Variants in PLXDC2 observed in about 807,000 individuals in gnomAD.
PLXDC2 encodes plexin domain-containing protein 2.
A neutral mutation model predicts 68.9 loss-of-function variants in PLXDC2; 40 were observed. The ratio of observed to expected loss-of-function variants is 0.58; its 90% CI spans 0.45 to 0.76. The LOEUF (loss-of-function observed/expected upper bound fraction) is 0.76. Among genes scored for constraint, PLXDC2 ranks in the 30% least tolerant of loss-of-function variants. PLXDC2 has a pLI of 0.00. For synonymous variants in PLXDC2, 243 were observed against 234.2 expected (o/e 1.04, Z -0.34); for missense variants, 644 against 661.9 (o/e 0.97, Z 0.30).
At chr10:20,057,769 C>T (rs989843788) in intron 3 of PLXDC2, among the ~76,000 whole-genome samples, 1 of 151,966 alleles carries the variant, frequency 6.6e-6, no homozygotes, top group Non-Finnish European at 1.5e-5. Flanking sequence ...GCACATTAGT[C>T]CTGATTCCAT....
intron 1 of PLXDC2, among the ~76,000 whole-genome samples, chr10:19,878,646 G>A (rs149696527): frequency 7.9e-5 from 12 of 152,170 alleles, no homozygotes; most frequent in South Asian, 4.2e-4. Context: ...CCTTACCCCC[G>A]ACAGTTAATT....
At chr10:19,909,180 C>T (rs1833221557) in intron 1 of PLXDC2, among the ~76,000 whole-genome samples, 2 of 152,122 alleles carry the variant, frequency 1.3e-5, no homozygotes, top group South Asian at 4.1e-4. Flanking sequence ...TGACTAGTCT[C>T]ATAAAAGCTG....
intron 1 of PLXDC2, among the ~76,000 whole-genome samples, chr10:19,869,292 C>T (rs1251766933): frequency 5.9e-5 from 9 of 151,714 alleles, no homozygotes; most frequent in Non-Finnish European, 8.8e-5. Flanking sequence ...GGTGTGGTGG[C>T]GTGCACCTGT....
At chr10:20,090,692 T>A (rs963106145) in intron 4 of PLXDC2, among the ~76,000 whole-genome samples, 1 of 152,184 alleles carries the variant, frequency 6.6e-6, no homozygotes, top group Non-Finnish European at 1.5e-5. Flanking sequence ...ATAATACTTG[T>A]GAATATTCCA....
intron 1 of PLXDC2, among the ~76,000 whole-genome samples, chr10:19,974,831 A>G (rs900219734): frequency 6.6e-6 from 1 of 152,238 alleles, no homozygotes; most frequent in African/African-American, 2.4e-5. Context: ...TAACAGAATC[A>G]TTCCAGTTTA....
chr10:20,075,765 A>G (rs183448035), intron 4 of PLXDC2, among the ~76,000 whole-genome samples: 1 of 152,300 alleles, frequency 6.6e-6, no homozygotes, highest in East Asian at 1.9e-4. Flanking sequence ...TTGGCACATG[A>G]TGGATAAGTC....
chr10:19,987,228 G>T (rs185337738), intron 1 of PLXDC2, among the ~76,000 whole-genome samples: 1 of 152,096 alleles, frequency 6.6e-6, no homozygotes, highest in African/African-American at 2.4e-5. Flanking sequence ...CCACATGTTC[G>T]ATCAGCCTTT....
At chr10:19,844,223 G>A (rs1047071032) in intron 1 of PLXDC2, among the ~76,000 whole-genome samples, 2 of 152,154 alleles carry the variant, frequency 1.3e-5, no homozygotes, top group Admixed American at 1.3e-4. Flanking sequence ...ATGATTTGTT[G>A]AAAAATTAGT....
intron 12 of PLXDC2, among the ~76,000 whole-genome samples, chr10:20,225,111 T>A (rs1835268828): frequency 6.6e-6 from 1 of 152,234 alleles, no homozygotes; most frequent in African/African-American, 2.4e-5. Context: ...TGAAGTCCTA[T>A]GGAATGGCTG....
chr10:20,252,640 G>A (rs1320222917), intron 13 of PLXDC2, among the ~76,000 whole-genome samples: 3 of 152,198 alleles, frequency 2.0e-5, no homozygotes, highest in Non-Finnish European at 4.4e-5. Flanking sequence ...AAGTTGACCA[G>A]TCACTCATTC....
intron 13 of PLXDC2, among the ~76,000 whole-genome samples, chr10:20,245,848 G>T (rs1835587361): frequency 6.6e-6 from 1 of 152,130 alleles, no homozygotes; most frequent in African/African-American, 2.4e-5. Context: ...CTACGTATCT[G>T]GGGGGCTGAA....
chr10:20,252,813 G>A (rs1446863582), intron 13 of PLXDC2, among the ~76,000 whole-genome samples: 1 of 152,152 alleles, frequency 6.6e-6, no homozygotes, highest in Non-Finnish European at 1.5e-5. Context: ...CACGTTGAAT[G>A]ATTAGTTTTA....
intron 4 of PLXDC2, among the ~76,000 whole-genome samples, chr10:20,140,296 C>T (rs1242091730): frequency 6.6e-6 from 1 of 151,370 alleles, no homozygotes; most frequent in African/African-American, 2.4e-5. Flanking sequence ...GAGACTCCAT[C>T]TCAAAAAAAT....
rs191545273 is a variant in PLXDC2, at chr10:19,854,224, A to G, written c.112+37033A>G. Among the ~76,000 whole-genome samples, 1,378 of 152,318 alleles carry G rather than the reference A, an allele frequency of 9.0e-3. 9 individuals are homozygous for G. The highest frequency in any genetic ancestry group is 0.014 in the Non-Finnish European group (948 of 68,022). ...AGGCAAGTGGCCTGAGCAGATCGGG[A>G]CATCATATAAACTGTGTTTAGGACA... is the stretch of plus-strand genomic sequence containing the variant. On this transcript the variant is annotated intron_variant, in intron 1 of 13. Transcript: ENST00000377252.
At chr10:20,170,624 T>C (rs1834435584) in intron 7 of PLXDC2, among the ~76,000 whole-genome samples, 1 of 152,178 alleles carries the variant, frequency 6.6e-6, no homozygotes, top group South Asian at 2.1e-4. Flanking sequence ...CATAGACCAG[T>C]ATGCTATTCA....
In PLXDC2 at chr10:19,859,019, CGAGAGAGA is replaced by C. The variant is rs60326474; in HGVS notation, c.112+41850_112+41857del. The stretch of plus-strand genomic sequence containing the variant: ...AGGGAACCCATGATGAGAAAAGCAG[CGAGAGAGA>C]GAGAGAGAGAGAGAGAGAGAGCGAG... On this transcript the variant is annotated intron_variant, in intron 1 of 13. Transcript: ENST00000377252. 1.7e-4 allele frequency among the ~76,000 whole-genome samples: 22 copies of C among 131,038 alleles called. No homozygotes were observed. The East Asian group carries it at 2.3e-3, about 14-fold the overall frequency. 86.0% of individuals were successfully genotyped at this position (131,038 alleles called of 152,430 possible).
chr10:19,992,737 G>GT (rs951655573), intron 1 of PLXDC2, among the ~76,000 whole-genome samples: 15 of 152,066 alleles, frequency 9.9e-5, no homozygotes, highest in Admixed American at 9.2e-4. Flanking sequence ...TTTCTGCTCC[G>GT]TTTTTACCTT....
At chr10:20,084,415 G>A (rs1428661002) in intron 4 of PLXDC2, among the ~76,000 whole-genome samples, 2 of 152,166 alleles carry the variant, frequency 1.3e-5, no homozygotes, top group African/African-American at 2.4e-5. Context: ...GGAAGGTGGT[G>A]TGAGAACACC....
At chr10:19,905,375 A>G (rs993559995) in intron 1 of PLXDC2, among the ~76,000 whole-genome samples, 2 of 152,214 alleles carry the variant, frequency 1.3e-5, no homozygotes, top group African/African-American at 4.8e-5. Context: ...GGCAAAACTG[A>G]TATTTTTAAG....
Sources: gnomAD v4.1 joint callset for allele counts (sites outside exome capture counted in the v4.1 genomes callset) on GRCh38, gnomAD v4.1.1 for gene constraint, MANE v1.5 for transcripts, NCBI Gene and HGNC (gene_info 2026-07-23, HGNC 2026-07-21) for gene names.